The following SLC16A10 variants were observed in gnomAD, a reference collection of about 807,000 sequenced individuals.
SLC16A10 encodes the protein solute carrier family 16 member 10.
A neutral mutation model predicts 40.0 loss-of-function variants in SLC16A10; 27 were observed. That is an observed-to-expected ratio of 0.67 (90% CI 0.50 to 0.93). The LOEUF (loss-of-function observed/expected upper bound fraction) is 0.93. SLC16A10 is among the 40% of genes least tolerant of loss of function. The probability of loss-of-function intolerance (pLI) is 0.00; values close to 1 mark genes in which losing one functional copy is unlikely to be tolerated. For missense variants in SLC16A10, 529 were observed against 658.2 expected (o/e 0.80, Z 2.15); for synonymous variants, 213 against 249.8 (o/e 0.85, Z 1.39).
chr6:111,189,032 T>G (rs1772947458), intron 3 of SLC16A10, among the ~76,000 whole-genome samples: 1 of 152,228 alleles, frequency 6.6e-6, no homozygotes, highest in South Asian at 2.1e-4. Context: ...TATAAATCAG[T>G]TAAACAGATT....
intron 1 of SLC16A10, among the ~76,000 whole-genome samples, chr6:111,093,051 A>AAAAAAG (rs1562394451): frequency 6.6e-6 from 1 of 150,984 alleles, no homozygotes; most frequent in African/African-American, 2.5e-5. Context: ...CAAAAAAAAA[A>AAAAAAG]AAAAGAAAAG....
At chr6:111,220,203 T>A (rs1305402596) in intron 5 of SLC16A10, among the ~76,000 whole-genome samples, 1 of 152,204 alleles carries the variant, frequency 6.6e-6, no homozygotes, top group Non-Finnish European at 1.5e-5. Flanking sequence ...GATTGGGAAG[T>A]AACTACTTAA....
chr6:111,158,399 G>A (rs1384635355), intron 1 of SLC16A10, among the ~76,000 whole-genome samples: 1 of 152,050 alleles, frequency 6.6e-6, no homozygotes, highest in Admixed American at 6.6e-5. Context: ...AATTGGAGGG[G>A]GAATGATTTC....
chr6:111,159,067 C>CAA (rs548809670), intron 1 of SLC16A10, among the ~76,000 whole-genome samples: 548 of 23,372 alleles, frequency 0.023, 68 homozygotes, highest in African/African-American at 0.064. Context: ...GACCCTGACT[C>CAA]AAAAAAAAAA....
At chr6:111,197,041 A>G (rs1376140945) in intron 3 of SLC16A10, among the ~76,000 whole-genome samples, 5 of 152,248 alleles carry the variant, frequency 3.3e-5, no homozygotes, top group African/African-American at 1.2e-4. Flanking sequence ...TGTGGAAATG[A>G]TAACAGTGGA....
intron 1 of SLC16A10, among the ~76,000 whole-genome samples, chr6:111,122,090 A>C (rs902152780): frequency 6.6e-6 from 1 of 151,740 alleles, no homozygotes; most frequent in East Asian, 1.9e-4. Flanking sequence ...GTCACCCTCC[A>C]CCTCTTGCTG....
chr6:111,159,650 G>T (rs1458519218), intron 1 of SLC16A10, among the ~76,000 whole-genome samples: 1 of 152,168 alleles, frequency 6.6e-6, no homozygotes, highest in Non-Finnish European at 1.5e-5. Context: ...CTCAGGGGCT[G>T]GGAACCCCCT....
intron 1 of SLC16A10, among the ~76,000 whole-genome samples, chr6:111,118,108 A>G (rs1263693377): frequency 6.6e-6 from 1 of 152,258 alleles, no homozygotes; most frequent in Non-Finnish European, 1.5e-5. Context: ...TACAGTAGGC[A>G]TGAAAGAATG....
chr6:111,103,876 T>G (rs1583304331), intron 1 of SLC16A10, among the ~76,000 whole-genome samples: 2 of 152,348 alleles, frequency 1.3e-5, no homozygotes, highest in Middle Eastern at 6.8e-3. Flanking sequence ...TGGTTTACTA[T>G]GTATTTCAGG....
chr6:111,190,191 C>T (rs751858708), intron 3 of SLC16A10, among the ~76,000 whole-genome samples: 1 of 152,230 alleles, frequency 6.6e-6, no homozygotes, highest in Non-Finnish European at 1.5e-5. Flanking sequence ...TCCAATAGGG[C>T]AGTCATTAAA....
chr6:111,130,944 T>G (rs1399129451), intron 1 of SLC16A10, among the ~76,000 whole-genome samples: 1 of 152,238 alleles, frequency 6.6e-6, no homozygotes, highest in East Asian at 1.9e-4. Flanking sequence ...AGATACTAAT[T>G]ATGCCATCAT....
At chr6:111,142,801 G>A (rs1290413019) in intron 1 of SLC16A10, among the ~76,000 whole-genome samples, 2 of 152,228 alleles carry the variant, frequency 1.3e-5, no homozygotes, top group Non-Finnish European at 2.9e-5. Flanking sequence ...CACTTTGGAA[G>A]ACAGTTTGCA....
chr6:111,140,120 A>G (rs982039597), intron 1 of SLC16A10, among the ~76,000 whole-genome samples: 18 of 152,226 alleles, frequency 1.2e-4, no homozygotes, highest in South Asian at 2.1e-4. Context: ...ATGTTTATCT[A>G]TGTAACAAAC....
chr6:111,151,013 G>T (rs1159042824), intron 1 of SLC16A10, among the ~76,000 whole-genome samples: 1 of 152,050 alleles, frequency 6.6e-6, no homozygotes, highest in Non-Finnish European at 1.5e-5. Context: ...AAAATTCTTT[G>T]CTCCTTTTAG....
At chr6:111,202,884 C>CAAAAAAAAA (rs567667458) in intron 3 of SLC16A10, among the ~76,000 whole-genome samples, 8 of 86,316 alleles carry the variant, frequency 9.3e-5, no homozygotes, top group African/African-American at 2.8e-4. Context: ...GAGACTCCAT[C>CAAAAAAAAA]AAAAAAAAAA....
intron 3 of SLC16A10, among the ~76,000 whole-genome samples, chr6:111,190,006 C>T (rs1174952510): frequency 5.9e-5 from 9 of 152,158 alleles, no homozygotes; most frequent in Admixed American, 5.9e-4. Context: ...AGTCCACAGT[C>T]CAAAGTCTCA....
At chr6:111,113,667 A>G (rs1487056424) in intron 1 of SLC16A10, among the ~76,000 whole-genome samples, 2 of 152,216 alleles carry the variant, frequency 1.3e-5, no homozygotes, top group Non-Finnish European at 2.9e-5. Context: ...TGTAAGGCAG[A>G]CAGACAGTGG....
At chr6:111,149,512 G>A (rs1445380951) in intron 1 of SLC16A10, among the ~76,000 whole-genome samples, 2 of 152,054 alleles carry the variant, frequency 1.3e-5, no homozygotes, top group Non-Finnish European at 2.9e-5. Context: ...CAACAAAGTT[G>A]GTATGTTTTC....
intron 3 of SLC16A10, 47 bp downstream of exon 3, chr6:111,177,712 A>G: frequency 2.8e-6 from 4 of 1,446,600 alleles, no homozygotes; most frequent in Non-Finnish European, 3.7e-6. Flanking sequence ...TTTAATAAAG[A>G]AAAACTTCTT....
Sources: gnomAD v4.1 joint callset for allele counts (sites outside exome capture counted in the v4.1 genomes callset) on GRCh38, gnomAD v4.1.1 for gene constraint, MANE v1.5 for transcripts, NCBI Gene and HGNC (gene_info 2026-07-23, HGNC 2026-07-21) for gene names.